NELL1: variants seen among roughly 807,000 people sequenced by gnomAD.
The protein encoded by NELL1 is protein kinase C-binding protein NELL1.
A neutral mutation model predicts 107.4 loss-of-function variants in NELL1; 76 were observed. The observed-to-expected ratio is 0.71, with a 90% CI of 0.59 to 0.86. The LOEUF (loss-of-function observed/expected upper bound fraction) is 0.86. Ranked by LOEUF, NELL1 falls within the 40% of genes least tolerant of loss-of-function variation. NELL1 has a pLI of 0.00. For missense variants in NELL1, 1,024 were observed against 1,005.5 expected, an observed-to-expected ratio of 1.02 and a Z score of -0.25; for synonymous variants, 353 against 341.2, an observed-to-expected ratio of 1.03 and a Z score of -0.38.
At chr11:21,126,649 A>G (rs1855492195) in intron 13 of NELL1, among the ~76,000 whole-genome samples, 1 of 152,196 alleles carries the variant, frequency 6.6e-6, no homozygotes, top group African/African-American at 2.4e-5. Context: ...AGACCTGTTC[A>G]CCATATTTCC....
In NELL1 at chr11:21,482,203, A is replaced by G. The variant is rs184422652; in HGVS notation, c.1646-52171A>G. ...ATGCTTTGCATAAGGCATCACACCA[A>G]TTTTGCTGCAATTAAACACTTACTG... On this transcript the variant is annotated intron_variant, in intron 15 of 19. Transcript: ENST00000357134. 5.9e-5 allele frequency among the ~76,000 whole-genome samples: 9 copies of G among 152,334 alleles called. No individual in the cohort carries two copies. The East Asian group carries it at 1.7e-3, about 29-fold the overall frequency.
chr11:21,045,000 A>G (rs1853322663), intron 12 of NELL1, among the ~76,000 whole-genome samples: 1 of 152,186 alleles, frequency 6.6e-6, no homozygotes, highest in South Asian at 2.1e-4. Flanking sequence ...AGTTCAAAAA[A>G]GTTTAGAGTT....
intron 14 of NELL1, among the ~76,000 whole-genome samples, chr11:21,351,268 A>T (rs200739802): frequency 2.6e-5 from 3 of 113,546 alleles, no homozygotes; most frequent in Admixed American, 8.7e-5. Context: ...CTGAGTGAAT[A>T]TTTTTTTTGT....
chr11:21,358,565 ATTTTTTTT>A (rs75578174), intron 14 of NELL1, among the ~76,000 whole-genome samples: 111 of 97,684 alleles, frequency 1.1e-3, no homozygotes, highest in African/African-American at 3.7e-3. Context: ...TGCCCTGATA[ATTTTTTTT>A]TTTTTTTTTT....
In NELL1 at chr11:21,575,186, A is replaced by C. The variant is rs1222391263; in HGVS notation, c.*164A>C. On this transcript the variant is annotated 3_prime_UTR_variant, in exon 20 of 20. Transcript: ENST00000357134. ...ACGGTGTTTGGAGGTTGCCTTTTGG[A>C]CCTACCACTTTGCTCATTCTTGCTA... 1.6e-6 allele frequency: 1 copy of C among 633,548 alleles called. No individual in the cohort carries two copies. The highest frequency in any genetic ancestry group is 2.8e-5 in the East Asian group (1 of 35,970). 39.2% of individuals were successfully genotyped at this position (633,548 alleles called of 1,614,324 possible). A position where few individuals can be genotyped will look rare whatever the true frequency, so the allele number is the denominator to read the frequency against.
chr11:21,065,412 G>A (rs950294423), intron 12 of NELL1, among the ~76,000 whole-genome samples: 1 of 151,978 alleles, frequency 6.6e-6, no homozygotes, highest in African/African-American at 2.4e-5. Context: ...TCCTTGACTC[G>A]ATTTGCTATA....
chr11:21,510,232 A>G (rs1365758701), intron 15 of NELL1, among the ~76,000 whole-genome samples: 1 of 152,196 alleles, frequency 6.6e-6, no homozygotes, highest in African/African-American at 2.4e-5. Context: ...TTTAGAAATC[A>G]TGTTTATGAA....
intron 2 of NELL1, among the ~76,000 whole-genome samples, chr11:20,773,197 C>T (rs1308083029): frequency 6.6e-6 from 1 of 152,214 alleles, no homozygotes; most frequent in Admixed American, 6.5e-5. Context: ...TACTTCAGCC[C>T]CAGCTGCAGC....
intron 12 of NELL1, among the ~76,000 whole-genome samples, chr11:21,006,045 G>GA (rs1295726736): frequency 6.6e-6 from 1 of 151,556 alleles, no homozygotes; most frequent in African/African-American, 2.4e-5. Context: ...TTTGGGGGGG[G>GA]GAGTGGGAAA....
intron 13 of NELL1, among the ~76,000 whole-genome samples, chr11:21,128,829 G>T (rs1464512669): frequency 6.6e-6 from 1 of 152,144 alleles, no homozygotes; most frequent in Non-Finnish European, 1.5e-5. Context: ...GCTTTTCTTG[G>T]CCTCAAGCAA....
chr11:20,857,761 G>A (rs1197624735), intron 4 of NELL1, among the ~76,000 whole-genome samples: 1 of 152,222 alleles, frequency 6.6e-6, no homozygotes, highest in Non-Finnish European at 1.5e-5. Flanking sequence ...CTGGCAGCCA[G>A]CAGGCAATTC....
intron 7 of NELL1, among the ~76,000 whole-genome samples, chr11:20,926,225 T>C (rs796997833): frequency 2.0e-5 from 3 of 152,264 alleles, no homozygotes; most frequent in African/African-American, 7.2e-5. Flanking sequence ...AGACAGATCA[T>C]ATCAAAGTGC....
chr11:20,975,470 T>G (rs960171051), intron 12 of NELL1, among the ~76,000 whole-genome samples: 4 of 148,916 alleles, frequency 2.7e-5, no homozygotes, highest in Non-Finnish European at 5.9e-5. Context: ...TAGATATTTC[T>G]TATTCTTCAT....
At chr11:20,733,885 C>T (rs1476032339) in intron 2 of NELL1, among the ~76,000 whole-genome samples, 1 of 152,162 alleles carries the variant, frequency 6.6e-6, no homozygotes, top group Non-Finnish European at 1.5e-5. Flanking sequence ...ACTTTGCATT[C>T]TAGCGTAGAC....
At chr11:21,170,746 A>ATTT (rs1235389794) in intron 13 of NELL1, among the ~76,000 whole-genome samples, 6 of 150,418 alleles carry the variant, frequency 4.0e-5, no homozygotes, top group Non-Finnish European at 7.4e-5. Context: ...AAGTATATGT[A>ATTT]CAATTGTTTT....
chr11:21,133,564 G>A (rs1405412159), intron 13 of NELL1, among the ~76,000 whole-genome samples: 3 of 152,182 alleles, frequency 2.0e-5, no homozygotes, highest in African/African-American at 7.2e-5. Flanking sequence ...AGTGCCCAAA[G>A]TCCAGAAGGG....
chr11:20,892,629 C>T lies in NELL1; in HGVS notation c.603+7089C>T, dbSNP rs138169448. On this transcript the variant is annotated intron_variant, in intron 5 of 19. Transcript: ENST00000357134. The stretch of plus-strand genomic sequence containing the variant: ...AATCATTCTACTGTGAAGACACATG[C>T]GGCCGGGCGCAGTGGCTCAGGCCAG... 1.5e-3 allele frequency among the ~76,000 whole-genome samples: 226 copies of T among 152,266 alleles called. 1 individual carries two copies. Among genetic ancestry groups the T allele is most frequent in the African/African-American group, 5.2e-3 (216 of 41,554 alleles).
intron 12 of NELL1, among the ~76,000 whole-genome samples, chr11:21,079,234 A>T (rs1279882632): frequency 6.6e-6 from 1 of 152,068 alleles, no homozygotes; most frequent in Non-Finnish European, 1.5e-5. Context: ...ATCTGTGTTT[A>T]CTAATAAAAC....
At position 20,806,759 on chromosome 11, in the gene NELL1, G is replaced by C. The variant is rs560039907; in HGVS notation, c.335+22929G>C. 3.9e-4 allele frequency among the ~76,000 whole-genome samples: 59 copies of C among 151,702 alleles called. No homozygotes were observed. The South Asian group carries it at 0.011, about 28-fold the overall frequency. ...TTTATTTATTTATTTGTCTCCTCTG[G>C]CTCTGTCTTTTCAAATACCCTGTCT... On this transcript the variant is annotated intron_variant, in intron 3 of 19. Transcript: ENST00000357134.
Sources: allele counts gnomAD v4.1 joint callset (sites outside exome capture counted in the v4.1 genomes callset), GRCh38; gene constraint gnomAD v4.1.1; transcripts MANE v1.5; gene names NCBI Gene and HGNC (gene_info 2026-07-23, HGNC 2026-07-21).